The following DENND2B variants were observed in gnomAD, a reference collection of about 807,000 sequenced individuals.
The protein encoded by DENND2B is DENN domain-containing protein 2B.
Under a neutral mutation model 116.0 loss-of-function variants are expected in DENND2B, and 32 were observed. The observed-to-expected ratio is 0.28, with a 90% CI of 0.21 to 0.37. DENND2B has a LOEUF of 0.37. Ranked by LOEUF, DENND2B falls within the 10% of genes least tolerant of loss-of-function variation. The probability of loss-of-function intolerance (pLI) is 1.00; values close to 1 mark genes in which losing one functional copy is unlikely to be tolerated. For missense variants in DENND2B, 1,276 were observed against 1,477.7 expected, an observed-to-expected ratio of 0.86 and a Z score of 2.24; for synonymous variants, 588 against 583.9, an observed-to-expected ratio of 1.01 and a Z score of -0.10.
chr11:8,708,010 C>T (rs1336879421), intron 11 of DENND2B, 156 bp from the exon 12 acceptor site: 4 of 1,527,808 alleles, frequency 2.6e-6, no homozygotes, highest in East Asian at 2.5e-5. Flanking sequence ...AACCAGAGCC[C>T]TGAAGGAACA....
chr11:8,759,617 G>A lies in DENND2B; in HGVS notation c.-25-8892C>T, dbSNP rs1037705455. ...GTGGGAATGGGAACAGAGCTCTTGT[G>A]TGTGTTCTGAGAACATGGTGAGAGC... On this transcript the variant is annotated intron_variant, in intron 1 of 19. Transcript: ENST00000313726. Among the ~76,000 whole-genome samples, 10 of 152,330 alleles carry A rather than the reference G, an allele frequency of 6.6e-5. No individual in the cohort carries two copies. The South Asian group carries it at 1.7e-3, about 25-fold the overall frequency.
chr11:8,815,962 T>C (rs1290477409), intron 4 of DENND2B, among the ~76,000 whole-genome samples: 2 of 152,230 alleles, frequency 1.3e-5, no homozygotes, highest in African/African-American at 4.8e-5. Flanking sequence ...AATCGGATTT[T>C]GGATTAGGTC....
chr11:8,862,826 C>T (rs557793606), intron 2 of DENND2B, among the ~76,000 whole-genome samples: 1 of 152,270 alleles, frequency 6.6e-6, no homozygotes, highest in East Asian at 1.9e-4. Context: ...AGATCTACCC[C>T]AGCCCTCCAG....
Position 8,707,388 on chromosome 11 carries a change from T to A in DENND2B, c.2431-163A>T, listed in dbSNP as rs1044604284. On this transcript the variant is annotated intron_variant, in intron 12 of 19. Transcript: ENST00000313726. The surrounding 1 kb of genome is among the most constrained non-coding windows in gnomAD (Gnocchi z 4.8). ...TCTGCACACTCTACCCTTCCCGTTT[T>A]CCTTGGCACTCAGTGACTCCTCTGT... 18 of 920,510 alleles carry A rather than the reference T, an allele frequency of 2.0e-5. No homozygotes were observed. The highest frequency in any genetic ancestry group is 2.7e-5 in the Non-Finnish European group (17 of 635,720). 57.0% of individuals were successfully genotyped at this position (920,510 alleles called of 1,614,324 possible). A position where few individuals can be genotyped will look rare whatever the true frequency, so the allele number is the denominator to read the frequency against.
chr11:8,734,265 T>C (rs543106132), intron 2 of DENND2B, among the ~76,000 whole-genome samples: 65 of 152,344 alleles, frequency 4.3e-4, no homozygotes, highest in African/African-American at 1.4e-3. Context: ...CATCGCAGGG[T>C]TGTCATATTG....
intron 11 of DENND2B, among the ~76,000 whole-genome samples, chr11:8,709,957 G>GAGCACGTGCCTGACTCTCAAT (rs546003679): frequency 1.3e-5 from 2 of 151,990 alleles, no homozygotes; most frequent in African/African-American, 2.4e-5. Flanking sequence ...ATCTTTATAT[G>GAGCACGTGCCTGACTCTCAAT]AGCACGTGCC....
chr11:8,814,666 T>C (rs1227298904), upstream of DENND2B, among the ~76,000 whole-genome samples: 1 of 152,242 alleles, frequency 6.6e-6, no homozygotes, highest in African/African-American at 2.4e-5. Flanking sequence ...ATTATGCATT[T>C]ATACAGTTAT....
intron 2 of DENND2B, among the ~76,000 whole-genome samples, chr11:8,738,305 C>T (rs888912004): frequency 6.6e-6 from 1 of 152,204 alleles, no homozygotes; most frequent in Non-Finnish European, 1.5e-5. Context: ...CAGGACATCA[C>T]TCTTCATGGT....
At chr11:8,772,128 T>TACACACACAC (rs143227157) in intron 1 of DENND2B, among the ~76,000 whole-genome samples, 7 of 147,258 alleles carry the variant, frequency 4.8e-5, no homozygotes, top group East Asian at 4.0e-4. Context: ...ATGGAAGCTC[T>TACACACACAC]ACACACACAC....
chr11:8,816,133 T>C (rs972721887), intron 4 of DENND2B, among the ~76,000 whole-genome samples: 7 of 152,236 alleles, frequency 4.6e-5, no homozygotes, highest in Non-Finnish European at 7.3e-5. Flanking sequence ...TGGTTGGATC[T>C]TAGAATGCCT....
intron 1 of DENND2B, among the ~76,000 whole-genome samples, chr11:8,763,497 CAGA>C (rs749241443): frequency 6.6e-6 from 1 of 151,662 alleles, no homozygotes; most frequent in Non-Finnish European, 1.5e-5. Flanking sequence ...TGCTCATAAT[CAGA>C]AGAAGAGAAG....
chr11:8,807,342 G>A (rs924215431), intron 1 of DENND2B, among the ~76,000 whole-genome samples: 1 of 152,208 alleles, frequency 6.6e-6, no homozygotes, highest in Non-Finnish European at 1.5e-5. Context: ...GAGGTGCCAG[G>A]TGGACCTCCC....
At chr11:8,743,857 C>T (rs541121531) in intron 2 of DENND2B, among the ~76,000 whole-genome samples, 1 of 152,042 alleles carries the variant, frequency 6.6e-6, no homozygotes, top group Admixed American at 6.5e-5. Context: ...AGCGATCCTC[C>T]CACCTCAGCC....
At chr11:8,836,759 G>A (rs886682732) in intron 4 of DENND2B, among the ~76,000 whole-genome samples, 1 of 152,162 alleles carries the variant, frequency 6.6e-6, no homozygotes, top group African/African-American at 2.4e-5. Context: ...CTGTCACCCA[G>A]GCTGGAGTGC....
At chr11:8,787,027 T>C (rs1051582858) in intron 1 of DENND2B, 3 of 152,186 alleles carry the variant, frequency 2.0e-5, no homozygotes, top group African/African-American at 7.2e-5. Context: ...ATGAGGTAAA[T>C]GTTACCAATT....
chr11:8,839,965 T>A lies in DENND2B; in HGVS notation c.-155-615A>T, dbSNP rs550209154. Among the ~76,000 whole-genome samples the A allele has an allele frequency of 2.6e-5, 4 of 152,098 alleles. No individual in the cohort carries two copies. In the South Asian group the frequency reaches 8.3e-4, roughly 32 times the overall value. ...ACTGATCCACTTACTGGACAGTCTATGAGACAAGGAGTTAAGCTAAGGGGA... is the reference window on the plus strand; with the variant it reads ...ACTGATCCACTTACTGGACAGTCTAAGAGACAAGGAGTTAAGCTAAGGGGA... On this transcript the variant is annotated intron_variant, in intron 3 of 6. Coordinates refer to the DENND2B transcript ENST00000524757.
At chr11:8,745,633 T>C (rs954620767) in intron 2 of DENND2B, among the ~76,000 whole-genome samples, 2 of 152,206 alleles carry the variant, frequency 1.3e-5, no homozygotes, top group Non-Finnish European at 2.9e-5. Flanking sequence ...AGCCCTTTGT[T>C]ACTGTCTTAA....
chr11:8,854,482 A>T (rs2568054), intron 3 of DENND2B, among the ~76,000 whole-genome samples: 1 of 151,956 alleles, frequency 6.6e-6, no homozygotes, highest in Admixed American at 6.6e-5. Flanking sequence ...GATTACAGAC[A>T]TGAGCCACAG....
intron 1 of DENND2B, among the ~76,000 whole-genome samples, chr11:8,892,785 C>T (rs573540726): frequency 2.2e-4 from 34 of 152,002 alleles, no homozygotes; most frequent in African/African-American, 7.5e-4. Context: ...AGTCCAGGAC[C>T]AAATGGATTC....
Sources: allele counts gnomAD v4.1 joint callset (sites outside exome capture counted in the v4.1 genomes callset), GRCh38; gene constraint gnomAD v4.1.1; non-coding constraint Gnocchi (gnomAD v3.1); transcripts MANE v1.5; gene names NCBI Gene and HGNC (gene_info 2026-07-23, HGNC 2026-07-21).